VAV3: variants seen among roughly 807,000 people sequenced by gnomAD.
VAV3 encodes the protein vav guanine nucleotide exchange factor 3, also known as guanine nucleotide exchange factor VAV3.
A neutral mutation model predicts 131.2 loss-of-function variants in VAV3; 94 were observed. The ratio of observed to expected loss-of-function variants is 0.72; its 90% confidence interval spans 0.61 to 0.85. The LOEUF (loss-of-function observed/expected upper bound fraction) is 0.85, where lower values mean the gene tolerates loss of function less well. Among genes scored for constraint, VAV3 ranks in the 40% least tolerant of loss-of-function variants. VAV3 has a pLI of 0.00. For synonymous variants in VAV3, 349 were observed against 342.0 expected, an observed-to-expected ratio of 1.02 and a Z score of -0.22; for missense variants, 939 against 1,002.7, an observed-to-expected ratio of 0.94 and a Z score of 0.86.
intron 25 of VAV3, among the ~76,000 whole-genome samples, chr1:107,581,083 G>A (rs1408820012): frequency 6.6e-6 from 1 of 152,174 alleles, no homozygotes; most frequent in African/African-American, 2.4e-5. Context: ...GCATCATGTT[G>A]TTCTGGAAGC....
intron 1 of VAV3, among the ~76,000 whole-genome samples, chr1:107,889,578 T>TA (rs1557904365): frequency 6.6e-6 from 1 of 152,178 alleles, no homozygotes; most frequent in Non-Finnish European, 1.5e-5. Context: ...TATATACTAT[T>TA]ATGGCTGTTT....
At chr1:107,709,165 G>T (rs371135604) in intron 15 of VAV3, among the ~76,000 whole-genome samples, 3 of 152,028 alleles carry the variant, frequency 2.0e-5, no homozygotes, top group African/African-American at 7.2e-5. Flanking sequence ...ACTTTGTACC[G>T]CCCTAAAAGT....
intron 2 of VAV3, among the ~76,000 whole-genome samples, chr1:107,832,380 T>A (rs939939445): frequency 2.6e-5 from 4 of 152,196 alleles, no homozygotes; most frequent in African/African-American, 9.7e-5. Flanking sequence ...GTTACAATGA[T>A]AAGAACAGGA....
In VAV3 at chr1:107,964,866, C is replaced by G. The variant is rs371748511; in HGVS notation, c.4G>C (p.Glu2Gln). The G allele has an allele frequency of 1.9e-6, 3 of 1,567,392 alleles. No homozygotes were observed. Among genetic ancestry groups the G allele is most frequent in the Non-Finnish European group, 2.6e-6 (3 of 1,154,646 alleles). The change falls in exon 1 of 27, where the codon GAG (glutamate) becomes CAG (glutamine). Residue 2 changes from glutamate (E) to glutamine (Q), a missense_variant. Transcript: ENST00000370056. ...CACTGCGCGCACTGCTTCCACGGCT[C>G]CATGCCCGACGGCTCCGGGACGCGG... M[E>Q]PWKQCAQWLI...
rs565617418 is a variant in VAV3 at position 107,717,611 on chromosome 1, T to C, written c.1503-12550A>G. Reference sequence around the variant, plus strand: ...CACTGTGGTCTGAGAGACAGTTTGTTGTGATTTCTGTTCTTTTACATTTGC... The same window carrying C: ...CACTGTGGTCTGAGAGACAGTTTGTCGTGATTTCTGTTCTTTTACATTTGC... On this transcript the variant is annotated intron_variant, in intron 15 of 26. Transcript: ENST00000370056. 2.9e-3 allele frequency among the ~76,000 whole-genome samples: 441 copies of C among 152,306 alleles called. 2 individuals are homozygous for C. The highest frequency in any genetic ancestry group is 2.2e-3 in the Non-Finnish European group (147 of 68,030).
chr1:107,665,215 T>C (rs989824622), intron 19 of VAV3, among the ~76,000 whole-genome samples: 1 of 152,164 alleles, frequency 6.6e-6, no homozygotes, highest in African/African-American at 2.4e-5. Context: ...AATAATTTAC[T>C]AAATACCAGT....
At chr1:107,866,257 T>G (rs1293963567) in intron 2 of VAV3, among the ~76,000 whole-genome samples, 1 of 152,170 alleles carries the variant, frequency 6.6e-6, no homozygotes, top group Non-Finnish European at 1.5e-5. Flanking sequence ...TTTTTCTGCC[T>G]TATGCCCCTC....
chr1:107,693,589 C>T (rs549202910), intron 17 of VAV3, among the ~76,000 whole-genome samples: 1 of 152,190 alleles, frequency 6.6e-6, no homozygotes, highest in African/African-American at 2.4e-5. Context: ...AAAGGGCTAA[C>T]TTGAACAAAA....
chr1:107,853,447 A>G (rs928169301), intron 2 of VAV3, among the ~76,000 whole-genome samples: 1 of 152,144 alleles, frequency 6.6e-6, no homozygotes, highest in Non-Finnish European at 1.5e-5. Flanking sequence ...AGAGTTTGCC[A>G]TATGTGCCTT....
At chr1:107,800,056 T>C (rs143456026) in intron 2 of VAV3, among the ~76,000 whole-genome samples, 78 of 152,340 alleles carry the variant, frequency 5.1e-4, no homozygotes, top group African/African-American at 1.8e-3. Flanking sequence ...TATTCCATTG[T>C]GTACATATAT....
intron 12 of VAV3, among the ~76,000 whole-genome samples, chr1:107,751,798 C>G (rs555797004): frequency 2.0e-4 from 30 of 152,166 alleles, no homozygotes; most frequent in East Asian, 1.9e-4. Flanking sequence ...AGGCTGATAA[C>G]TAAATTATTT....
At chr1:107,854,695 A>G (rs1459042498) in intron 2 of VAV3, among the ~76,000 whole-genome samples, 1 of 152,166 alleles carries the variant, frequency 6.6e-6, no homozygotes, top group East Asian at 1.9e-4. Flanking sequence ...GTATGTCATA[A>G]TGACCTCCCT....
At chr1:107,784,199 G>T (rs758643387) in intron 2 of VAV3, among the ~76,000 whole-genome samples, 1 of 152,120 alleles carries the variant, frequency 6.6e-6, no homozygotes, top group Non-Finnish European at 1.5e-5. Context: ...AATCTGGTAT[G>T]ACTCTGGCAG....
intron 19 of VAV3, among the ~76,000 whole-genome samples, chr1:107,659,646 G>A (rs56675150): frequency 6.6e-6 from 1 of 151,986 alleles, no homozygotes; most frequent in Non-Finnish European, 1.5e-5. Context: ...AATGTATCCC[G>A]ATTTAGTCAT....
intron 15 of VAV3, among the ~76,000 whole-genome samples, chr1:107,743,570 C>G (rs889676048): frequency 1.3e-5 from 2 of 152,074 alleles, no homozygotes; most frequent in Admixed American, 6.6e-5. Context: ...ATTGCAATGG[C>G]TCCCTCATTG....
At chr1:107,804,620 A>C (rs1264443196) in intron 2 of VAV3, among the ~76,000 whole-genome samples, 1 of 152,154 alleles carries the variant, frequency 6.6e-6, no homozygotes, top group Non-Finnish European at 1.5e-5. Context: ...TGTAGCTATT[A>C]TTCTTTTTGA....
intron 13 of VAV3, among the ~76,000 whole-genome samples, chr1:107,750,566 C>T (rs1663652083): frequency 6.6e-6 from 1 of 152,180 alleles, no homozygotes; most frequent in Admixed American, 6.5e-5. Flanking sequence ...AGAGCTGATG[C>T]TGCCCCCTAC....
intron 15 of VAV3, 38 bp downstream of exon 15, chr1:107,748,930 G>A: frequency 1.4e-6 from 2 of 1,431,280 alleles, no homozygotes; most frequent in Non-Finnish European, 1.9e-6. Context: ...GATTTAACTA[G>A]TAAAAATAAA....
At chr1:107,844,035 G>A (rs1242795015) in intron 2 of VAV3, among the ~76,000 whole-genome samples, 1 of 152,038 alleles carries the variant, frequency 6.6e-6, no homozygotes, top group African/African-American at 2.4e-5. Context: ...GGGCAAGATG[G>A]CTGAATAGGA....
Sources: allele counts gnomAD v4.1 joint callset (sites outside exome capture counted in the v4.1 genomes callset), GRCh38; gene constraint gnomAD v4.1.1; transcripts MANE v1.5; gene names NCBI Gene and HGNC (gene_info 2026-07-23, HGNC 2026-07-21).